Variants in ANKRD13A observed in about 807,000 individuals in gnomAD.
The protein encoded by ANKRD13A is ankyrin repeat domain 13A, also known as ankyrin repeat domain-containing protein 13A.
ANKRD13A carries 48 observed loss-of-function variants against 81.3 expected under a neutral mutation model. The observed-to-expected ratio is 0.59, with a 90% CI of 0.47 to 0.75. ANKRD13A has a LOEUF of 0.75. Among genes scored for constraint, ANKRD13A ranks in the 30% least tolerant of loss-of-function variants. The pLI is 0.00. For synonymous variants in ANKRD13A, 230 were observed against 270.1 expected, an observed-to-expected ratio of 0.85 and a Z score of 1.45; for missense variants, 612 against 734.0, an observed-to-expected ratio of 0.83 and a Z score of 1.92.
rs953657766 is a variant in ANKRD13A, at chr12:110,037,739, TGGA to T, written c.*187_*189del. ...GGCCCATCCAGGCTGCTCCCTGGGG[TGGA>T]GAAGGGACCAGGGATTGCAGGCCCC... On this transcript the variant is annotated 3_prime_UTR_variant, in exon 15 of 15. Transcript: ENST00000261739. The T allele has an allele frequency of 1.1e-5, 6 of 548,052 alleles. No homozygotes were observed. Among genetic ancestry groups the T allele is most frequent in the Non-Finnish European group, 1.6e-5 (5 of 317,546 alleles). 33.9% of individuals were successfully genotyped at this position (548,052 alleles called of 1,614,324 possible). A position where few individuals can be genotyped will look rare whatever the true frequency, so the allele number is the denominator to read the frequency against.
Position 110,024,111 on chromosome 12 carries a change from A to T in ANKRD13A, c.800A>T (p.Lys267Met), listed in dbSNP as rs765701571. Residue 267 changes from lysine (K) to methionine (M), a missense_variant and splice_region_variant, in exon 7 of 15, where the codon AAG becomes ATG. Physicochemically the swap from Lys to Met is moderately conservative, Grantham distance 95. Coordinates refer to ENST00000261739, the MANE Select transcript of ANKRD13A (RefSeq NM_033121.2). ...GAAGTTGTTAATGGTTACGAAGCAA[A>T]GGTAAAAGGAAACTCTTAAAATAAG... ...KAEVVNGYEA[K>M]VYTVNNVNVI... is the part of the protein sequence containing the mutation. 11 of 1,596,234 alleles carry T rather than the reference A, an allele frequency of 6.9e-6. No homozygotes were observed. The highest frequency in any genetic ancestry group is 9.4e-6 in the Non-Finnish European group (11 of 1,175,438).
At chr12:110,027,402 GA>G (rs1291543573) in intron 8 of ANKRD13A, 5 of 340,628 alleles carry the variant, frequency 1.5e-5, no homozygotes, top group Non-Finnish European at 1.7e-5. Context: ...CTGAGGCCCA[GA>G]ACACATGGGT....
Position 110,033,970 on chromosome 12 carries a change from GA to G in ANKRD13A, c.1509+15del. ...CAGCAGGAGCCAGGTGTGTTTATCA[GA>G]ATACTCTAATGGCAGGGCGTGGGAG... On this transcript the variant is annotated intron_variant, in intron 13 of 14. Coordinates refer to ENST00000261739, the MANE Select transcript of ANKRD13A (RefSeq NM_033121.2). 1 of 1,601,518 alleles carries G rather than the reference GA, an allele frequency of 6.2e-7. No homozygotes were observed. The highest frequency in any genetic ancestry group is 8.5e-7 in the Non-Finnish European group (1 of 1,173,658).
chr12:110,029,329 A>T, intron 10 of ANKRD13A, 149 bp from the exon 11 acceptor site: 1 of 811,366 alleles, frequency 1.2e-6, no homozygotes, highest in Non-Finnish European at 1.9e-6. Context: ...TTGTGGCCCT[A>T]GACATTTGAC....
At chr12:110,020,754 G>A (rs368972163) in intron 6 of ANKRD13A, among the ~76,000 whole-genome samples, 8 of 152,238 alleles carry the variant, frequency 5.3e-5, no homozygotes, top group Admixed American at 2.6e-4. Context: ...CTGTTCATCC[G>A]TAGGGATGAG....
chr12:110,016,244 G>A (rs1228825404), intron 3 of ANKRD13A, 144 bp from the exon 4 acceptor site: 7 of 568,544 alleles, frequency 1.2e-5, no homozygotes, highest in Middle Eastern at 9.0e-4. Context: ...CACCTCACCC[G>A]GCTAGGGGCT....
chr12:110,007,772 AT>A (rs1890315969), intron 1 of ANKRD13A, among the ~76,000 whole-genome samples: 1 of 152,096 alleles, frequency 6.6e-6, no homozygotes, highest in African/African-American at 2.4e-5. Context: ...TAAATGTTTT[AT>A]TTTTTGATGC....
At chr12:110,025,673 C>G (rs1891279908) in intron 7 of ANKRD13A, 69 bp from the exon 8 acceptor site, 1 of 1,206,434 alleles carries the variant, frequency 8.3e-7, no homozygotes, top group Non-Finnish European at 1.2e-6. Context: ...AGCATTCTTG[C>G]TTTTGCTGTG....
At chr12:110,034,087 G>A (rs1891873493) in intron 13 of ANKRD13A, 130 bp downstream of exon 13, 2 of 950,198 alleles carry the variant, frequency 2.1e-6, no homozygotes, top group East Asian at 6.1e-5. Flanking sequence ...ATTTGCATAG[G>A]TTATACTTTG....
chr12:110,022,999 A>T (rs181508249), intron 6 of ANKRD13A, among the ~76,000 whole-genome samples: 112 of 152,354 alleles, frequency 7.4e-4, no homozygotes, highest in Non-Finnish European at 1.4e-3. Flanking sequence ...TTCATTGACC[A>T]AATCCCATTA....
chr12:110,016,194 C>T lies in ANKRD13A; in HGVS notation c.355-194C>T, dbSNP rs899573139. Reference sequence around the variant, plus strand: ...AAACTCCTGAGCGCAAGTGATCACCCGCCTCAGCCTCCCAAAGTGCTGGGA... The same window carrying T: ...AAACTCCTGAGCGCAAGTGATCACCTGCCTCAGCCTCCCAAAGTGCTGGGA... On this transcript the variant is annotated intron_variant, in intron 3 of 14. Transcript: ENST00000261739. 3.3e-5 allele frequency among the ~76,000 whole-genome samples: 5 copies of T among 152,022 alleles called. No homozygotes were observed. The East Asian group carries it at 7.7e-4, about 23-fold the overall frequency.
At chr12:110,019,104 T>C (rs759452049) in intron 5 of ANKRD13A, 35 bp from the exon 6 acceptor site, 2 of 1,540,008 alleles carry the variant, frequency 1.3e-6, no homozygotes, top group Middle Eastern at 1.7e-4. Context: ...TCTTCCCTAC[T>C]TTGCACTTAG....
chr12:110,032,275 A>G (rs748885125), intron 12 of ANKRD13A: 6 of 152,128 alleles, frequency 3.9e-5, no homozygotes, highest in Admixed American at 2.6e-4. Flanking sequence ...ATTTTTAAGT[A>G]TTGATTTTTG....
chr12:110,029,771 A>G (rs974640430), intron 11 of ANKRD13A, 136 bp downstream of exon 11: 10 of 950,998 alleles, frequency 1.1e-5, no homozygotes, highest in Non-Finnish European at 1.6e-5. Context: ...AGAGGAGGTC[A>G]GAGTTCTCCT....
intron 1 of ANKRD13A, among the ~76,000 whole-genome samples, chr12:110,008,627 G>A (rs908153638): frequency 7.9e-5 from 12 of 152,220 alleles, no homozygotes; most frequent in Non-Finnish European, 2.9e-5. Context: ...GCTCGTGCCT[G>A]TAATCCCAGC....
rs748752939 is a variant in ANKRD13A, at chr12:110,029,571, T to G, written c.1170T>G (p.Ala390=). ...TTGACCTAATGGCTCGAACGAGTGCTCATTTTGCAAGACTGAGAGATTTCA... is the reference window on the plus strand; with the variant it reads ...TTGACCTAATGGCTCGAACGAGTGCGCATTTTGCAAGACTGAGAGATTTCA... The part of the protein sequence containing the change: ...PIIDLMARTS[A]HFARLRDFIK... The change falls in exon 11 of 15, where the codon GCT becomes GCG. Residue 390 remains alanine, a synonymous_variant. Coordinates refer to ENST00000261739, the MANE Select transcript of ANKRD13A (RefSeq NM_033121.2). The G allele has an allele frequency of 6.2e-7, 1 of 1,614,136 alleles. No homozygotes were observed. The highest frequency in any genetic ancestry group is 1.7e-5 in the Admixed American group (1 of 60,018).
At position 110,037,603 on chromosome 12, in the gene ANKRD13A, A is replaced by C; in HGVS notation, c.*49A>C. ...CACAAAGCAGAGGCTGTGGGCTGTC[A>C]CAGATGCTGTGTCAACCAGGGCCCT... On this transcript the variant is annotated 3_prime_UTR_variant, in exon 15 of 15. Coordinates refer to ENST00000261739, the MANE Select transcript of ANKRD13A (RefSeq NM_033121.2). The C allele has an allele frequency of 6.4e-7, 1 of 1,573,606 alleles. No individual in the cohort carries two copies. Among genetic ancestry groups the C allele is most frequent in the Non-Finnish European group, 8.6e-7 (1 of 1,160,654 alleles).
Position 110,012,081 on chromosome 12 carries a change from G to A in ANKRD13A, c.173G>A (p.Arg58Gln), listed in dbSNP as rs367870655. 20 of 1,613,390 alleles carry A rather than the reference G, an allele frequency of 1.2e-5. No individual in the cohort carries two copies. Among genetic ancestry groups the A allele is most frequent in the South Asian group, 8.8e-5 (8 of 91,034 alleles). Reference sequence around the variant, plus strand: ...TCCTTGGGACATTTGGAATCTGCTCGAGTCTTACTCCGACATAAAGCAGAT... The same window carrying A: ...TCCTTGGGACATTTGGAATCTGCTCAAGTCTTACTCCGACATAAAGCAGAT... ...AVSLGHLESA[R>Q]VLLRHKADVT... The change falls in exon 2 of 15, where the codon CGA becomes CAA. Residue 58 changes from arginine (R) to glutamine (Q), a missense_variant. Transcript: ENST00000261739.
At chr12:110,033,769 G>T in intron 12 of ANKRD13A, 28 bp from the exon 13 acceptor site, 1 of 1,564,206 alleles carries the variant, frequency 6.4e-7, no homozygotes, top group South Asian at 1.2e-5. Context: ...AATGAACTCA[G>T]ACACTGGACG....
Sources: gnomAD v4.1 joint callset for allele counts (sites outside exome capture counted in the v4.1 genomes callset) on GRCh38, gnomAD v4.1.1 for gene constraint, MANE v1.5 for transcripts, NCBI Gene and HGNC (gene_info 2026-07-23, HGNC 2026-07-21) for gene names.